SYCP2L: variants seen among roughly 807,000 people sequenced by gnomAD.
SYCP2L encodes the protein synaptonemal complex protein 2-like.
In SYCP2L, 98 loss-of-function variants were observed where a neutral mutation model predicts 125.8. That is an observed-to-expected ratio of 0.78 (90% CI 0.66 to 0.92). SYCP2L has a LOEUF of 0.92. Among genes scored for constraint, SYCP2L ranks in the 40% least tolerant of loss-of-function variants. The probability of loss-of-function intolerance (pLI) is 0.00; values close to 1 mark genes in which losing one functional copy is unlikely to be tolerated. For missense variants in SYCP2L, 842 were observed against 936.4 expected, an observed-to-expected ratio of 0.90 and a Z score of 1.32; for synonymous variants, 317 against 325.4, an observed-to-expected ratio of 0.97 and a Z score of 0.28.
chr6:10,942,371 G>C, intron 21 of SYCP2L, 88 bp from the exon 22 acceptor site: 1 of 833,740 alleles, frequency 1.2e-6, no homozygotes, highest in South Asian at 2.1e-5. Context: ...TTTTTTTGAT[G>C]ATGAGATTTA....
chr6:10,956,284 C>T lies in SYCP2L; in HGVS notation c.2163+42C>T, dbSNP rs370724398. On this transcript the variant is annotated intron_variant, in intron 25 of 29. Transcript: ENST00000283141. ...CTTAAAAAACTAGAGCGTTATGAATCTGGAGGACATTATGCTAAGTGAAAT... is the reference window on the plus strand; with the variant it reads ...CTTAAAAAACTAGAGCGTTATGAATTTGGAGGACATTATGCTAAGTGAAAT... 7 of 1,396,268 alleles carry T rather than the reference C, an allele frequency of 5.0e-6. No homozygotes were observed. In the African/African-American group the frequency reaches 7.1e-5, roughly 14 times the overall value. The allele number at this position is 1,396,268 out of a possible 1,614,324, so 86.5% of individuals were successfully genotyped here.
At position 10,912,724 on chromosome 6, in the gene SYCP2L, C is replaced by T. The variant is rs552369872; in HGVS notation, c.970C>T (p.Leu324=). The T allele has an allele frequency of 4.1e-5, 66 of 1,613,602 alleles. No homozygotes were observed. The highest frequency in any genetic ancestry group is 1.7e-4 in the Middle Eastern group (1 of 5,986). The part of the protein sequence containing the change: ...KLEKFWIDFN[L]GSQSVTFYID... ...AGAGAAATTTTGGATCGACTTCAAC[C>T]TAGGAAGTCAGAGTGTCACTTTTTA... The change falls in exon 13 of 30, where the codon CTA becomes TTA. Residue 324 remains leucine (L), a synonymous_variant. Coordinates refer to ENST00000283141, the MANE Select transcript of SYCP2L (RefSeq NM_001040274.3). The surrounding 1 kb of genome is among the most constrained non-coding windows in gnomAD (Gnocchi z 4.1).
intron 28 of SYCP2L, among the ~76,000 whole-genome samples, chr6:10,963,031 C>T (rs772552100): frequency 2.0e-5 from 3 of 152,200 alleles, no homozygotes; most frequent in Non-Finnish European, 4.4e-5. Context: ...ATTATATCCC[C>T]TAGTCTTCTG....
At chr6:10,971,457 C>CAAAAA (rs564161444) in intron 29 of SYCP2L, among the ~76,000 whole-genome samples, 1 of 99,358 alleles carries the variant, frequency 1.0e-5, no homozygotes, top group African/African-American at 3.7e-5. Flanking sequence ...GACTCTGTCT[C>CAAAAA]AAAAAAAAAA....
At chr6:10,919,950 C>T (rs1400017288) in intron 14 of SYCP2L, among the ~76,000 whole-genome samples, 1 of 152,108 alleles carries the variant, frequency 6.6e-6, no homozygotes, top group Admixed American at 6.5e-5. Flanking sequence ...ACCACCAAGT[C>T]TGTTTGCAGG....
chr6:10,942,701 G>C lies in SYCP2L; in HGVS notation c.1909G>C (p.Glu637Gln), dbSNP rs371859771. ...PKIVNQESLT[E>Q]STSLKHKLRN... ...GATTGTGAACCAAGAATCACTAACA[G>C]AAAGTACTAGCTTGAAACATAAGCT... Residue 637 changes from glutamate to glutamine, a missense_variant, in exon 23 of 30, where the codon GAA becomes CAA. Glu to Gln is a conservative substitution (Grantham distance 29). Coordinates refer to ENST00000283141, the MANE Select transcript of SYCP2L (RefSeq NM_001040274.3). The C allele has an allele frequency of 1.4e-5, 23 of 1,613,072 alleles. No homozygotes were observed. The highest frequency in any genetic ancestry group is 3.3e-4 in the Middle Eastern group (2 of 6,026).
At chr6:10,926,498 A>G in intron 16 of SYCP2L, 66 bp downstream of exon 16, 1 of 1,294,892 alleles carries the variant, frequency 7.7e-7, no homozygotes, top group Admixed American at 1.8e-5. Context: ...CCTTAGTTGG[A>G]AGAGGTCACT....
chr6:10,901,337 T>C (rs1459285602), intron 6 of SYCP2L, among the ~76,000 whole-genome samples: 1 of 152,204 alleles, frequency 6.6e-6, no homozygotes, highest in Non-Finnish European at 1.5e-5. Context: ...GATGTCTTTC[T>C]GGCTTTTATA....
At chr6:10,894,494 G>A (rs777767920) in intron 4 of SYCP2L, among the ~76,000 whole-genome samples, 4 of 152,116 alleles carry the variant, frequency 2.6e-5, no homozygotes, top group African/African-American at 7.2e-5. Flanking sequence ...TAGTGAATTT[G>A]GGGGAAAATG....
At chr6:10,951,737 T>C (rs1305700234) in intron 23 of SYCP2L, among the ~76,000 whole-genome samples, 1 of 152,210 alleles carries the variant, frequency 6.6e-6, no homozygotes, top group Non-Finnish European at 1.5e-5. Context: ...GGAAAGACTG[T>C]TGGCCTTTAT....
At chr6:10,918,878 C>T (rs953584587) in intron 14 of SYCP2L, among the ~76,000 whole-genome samples, 2 of 152,152 alleles carry the variant, frequency 1.3e-5, no homozygotes, top group African/African-American at 2.4e-5. Flanking sequence ...TGAGACTTTC[C>T]AGAGCATTTT....
At chr6:10,952,528 T>G in intron 23 of SYCP2L, among the ~76,000 whole-genome samples, 3 of 146,872 alleles carry the variant, frequency 2.0e-5, no homozygotes, top group South Asian at 2.2e-4. Flanking sequence ...TGCATGGGGG[T>G]GGAACATTGA....
At chr6:10,924,770 A>G in intron 15 of SYCP2L, 129 bp downstream of exon 15, 1 of 837,914 alleles carries the variant, frequency 1.2e-6, no homozygotes. Context: ...AATGCCATGT[A>G]AAAAAGAGTT....
chr6:10,898,930 G>A, intron 6 of SYCP2L, 82 bp downstream of exon 6: 1 of 900,124 alleles, frequency 1.1e-6, no homozygotes, highest in Non-Finnish European at 1.8e-6. Context: ...AAAATGATAT[G>A]TAAAAGTAAA....
chr6:10,888,633 G>A (rs1424346404), intron 1 of SYCP2L, among the ~76,000 whole-genome samples: 1 of 152,120 alleles, frequency 6.6e-6, no homozygotes, highest in African/African-American at 2.4e-5. Context: ...AAGGTTGAAA[G>A]GAGGTAGAAA....
intron 23 of SYCP2L, among the ~76,000 whole-genome samples, chr6:10,950,549 A>G (rs891999648): frequency 6.6e-6 from 1 of 152,126 alleles, no homozygotes; most frequent in African/African-American, 2.4e-5. Context: ...TAGAGGATTT[A>G]TGTTTCTTTT....
chr6:10,906,053 T>C lies in SYCP2L; in HGVS notation c.675T>C (p.Gly225=). 2 of 1,593,690 alleles carry C rather than the reference T, an allele frequency of 1.3e-6. No homozygotes were observed. The part of the protein sequence containing the change: ...KDLARTLLTV[G]DYDQQVAISE... ...TTGCAAGGACACTCTTGACTGTGGG[T>C]GGTAAGAAATTTTAGAATTTTCAGT... The change falls in exon 9 of 30, where the codon GGT becomes GGC. Residue 225 remains glycine (G), a splice_region_variant and synonymous_variant. Coordinates refer to ENST00000283141, the MANE Select transcript of SYCP2L (RefSeq NM_001040274.3).
At chr6:10,914,732 C>A (rs1423766951) in intron 14 of SYCP2L, among the ~76,000 whole-genome samples, 5 of 133,594 alleles carry the variant, frequency 3.7e-5, no homozygotes, top group Admixed American at 1.8e-4. Context: ...TTAGGTATAT[C>A]CCTAAGTTTT....
chr6:10,942,829 A>T, intron 23 of SYCP2L, 83 bp downstream of exon 23: 1 of 1,264,074 alleles, frequency 7.9e-7, no homozygotes, highest in South Asian at 1.4e-5. Context: ...TGTTACTCAG[A>T]TTGCAGATCA....
Sources: gnomAD v4.1 joint callset for allele counts (sites outside exome capture counted in the v4.1 genomes callset) on GRCh38, gnomAD v4.1.1 for gene constraint, Gnocchi (gnomAD v3.1) non-coding constraint, MANE v1.5 for transcripts, NCBI Gene and HGNC (gene_info 2026-07-23, HGNC 2026-07-21) for gene names.